DAB1: variants seen among roughly 807,000 people sequenced by gnomAD.
The protein encoded by DAB1 is disabled homolog 1.
A neutral mutation model predicts 64.6 loss-of-function variants in DAB1; 15 were observed. The ratio of observed to expected loss-of-function variants is 0.23; its 90% CI spans 0.16 to 0.36. The LOEUF (loss-of-function observed/expected upper bound fraction) is 0.36, where lower values mean the gene tolerates loss of function less well. Ranked by LOEUF, DAB1 falls within the 10% of genes least tolerant of loss-of-function variation. The pLI is 1.00. For missense variants in DAB1, 596 were observed against 706.7 expected (o/e 0.84, Z 1.78); for synonymous variants, 235 against 251.9 (o/e 0.93, Z 0.64).
intron 4 of DAB1, among the ~76,000 whole-genome samples, chr1:58,287,650 C>T (rs1193510515): frequency 6.6e-6 from 1 of 152,138 alleles, no homozygotes; most frequent in African/African-American, 2.4e-5. Context: ...TTTGAATGAC[C>T]TATCCTCAAA....
chr1:58,169,430 G>C lies in DAB1; in HGVS notation n.310-18842C>G, dbSNP rs1039280414. On this transcript the variant is annotated intron_variant and non_coding_transcript_variant, in intron 4 of 20. Coordinates refer to the DAB1 transcript ENST00000485760. ...AATGGGAAACATTCAGGCATCAACA[G>C]GCTCACCCTTAAAATGCATCCTAAG... 2.0e-5 allele frequency among the ~76,000 whole-genome samples: 3 copies of C among 152,118 alleles called. No individual in the cohort carries two copies. In the East Asian group the frequency reaches 5.8e-4, roughly 29 times the overall value.
At chr1:57,786,353 A>T (rs1262640888) in intron 6 of DAB1, among the ~76,000 whole-genome samples, 1 of 152,160 alleles carries the variant, frequency 6.6e-6, no homozygotes, top group African/African-American at 2.4e-5. Context: ...TATAGATGCT[A>T]TTAATGGCTA....
intron 5 of DAB1, among the ~76,000 whole-genome samples, chr1:57,984,445 G>C (rs1394582476): frequency 2.0e-5 from 3 of 152,124 alleles, no homozygotes; most frequent in Admixed American, 6.6e-5. Context: ...CTAGGAGGAA[G>C]GCTGGCCAGC....
intron 2 of DAB1, among the ~76,000 whole-genome samples, chr1:57,290,567 G>C (rs931324931): frequency 3.9e-5 from 6 of 152,166 alleles, no homozygotes; most frequent in African/African-American, 1.4e-4. Flanking sequence ...CAGAGATGTT[G>C]CTGGAGGGAT....
Position 57,695,385 on chromosome 1 carries a change from A to G in DAB1, n.552-45720T>C, listed in dbSNP as rs1283733114. On this transcript the variant is annotated intron_variant and non_coding_transcript_variant, in intron 6 of 20. Transcript: ENST00000485760. ...AGAAGAAAGAAAGAAAGAAAGAAAG[A>G]AAGAAAGAAAGAAAGAAAGAAAGAA... Among the ~76,000 whole-genome samples, 2 of 74,228 alleles carry G rather than the reference A, an allele frequency of 2.7e-5. 1 individual carries two copies. Among genetic ancestry groups the G allele is most frequent in the East Asian group, 7.9e-4 (2 of 2,542 alleles). The allele number at this position is 74,228 out of a possible 152,430, so 48.7% of individuals were successfully genotyped here.
At chr1:57,009,297 C>T (rs1369796149) in intron 14 of DAB1, among the ~76,000 whole-genome samples, 1 of 152,190 alleles carries the variant, frequency 6.6e-6, no homozygotes, top group Non-Finnish European at 1.5e-5. Context: ...GAAACATTGA[C>T]TTTGCTTTCA....
intron 1 of DAB1, among the ~76,000 whole-genome samples, chr1:57,372,530 A>G: frequency 6.6e-6 from 1 of 152,338 alleles, no homozygotes; most frequent in Non-Finnish European, 1.5e-5. Flanking sequence ...TCATATTTAT[A>G]ATATAATCAC....
intron 3 of DAB1, among the ~76,000 whole-genome samples, chr1:58,501,079 T>C (rs1645899566): frequency 6.6e-6 from 1 of 152,222 alleles, no homozygotes. Flanking sequence ...GTGGAATATG[T>C]GTTTAACTGA....
At chr1:57,803,857 A>G (rs541655898) in intron 6 of DAB1, among the ~76,000 whole-genome samples, 2 of 152,310 alleles carry the variant, frequency 1.3e-5, no homozygotes, top group South Asian at 2.1e-4. Flanking sequence ...TTCCTAGCTC[A>G]GTGTTTTTCA....
At chr1:57,926,894 C>T (rs1644887499) in intron 5 of DAB1, among the ~76,000 whole-genome samples, 1 of 152,088 alleles carries the variant, frequency 6.6e-6, no homozygotes, top group Non-Finnish European at 1.5e-5. Flanking sequence ...AGTCAATTAC[C>T]TTTGATAATA....
In DAB1 at chr1:57,930,002, T is replaced by C. The variant is rs181200809; in HGVS notation, n.388-45840A>G. Among the ~76,000 whole-genome samples the C allele has an allele frequency of 8.8e-4, 134 of 152,306 alleles. 1 individual carries two copies. Among genetic ancestry groups the C allele is most frequent in the Middle Eastern group, 3.4e-3 (1 of 294 alleles). On this transcript the variant is annotated intron_variant and non_coding_transcript_variant, in intron 5 of 20. Transcript: ENST00000485760. The stretch of plus-strand genomic sequence containing the variant: ...TTGGAGGGAACAAACATTTAAACCA[T>C]TACATGAAGCTTTATAGTTGTGAAT...
chr1:58,051,748 C>T (rs1265541283), intron 5 of DAB1, among the ~76,000 whole-genome samples: 3 of 152,134 alleles, frequency 2.0e-5, no homozygotes, highest in South Asian at 4.1e-4. Flanking sequence ...TTCTAACTGG[C>T]ATGAGATGGT....
intron 9 of DAB1, among the ~76,000 whole-genome samples, chr1:57,057,900 G>T (rs61765264): frequency 3.9e-5 from 6 of 152,104 alleles, no homozygotes; most frequent in Non-Finnish European, 8.8e-5. Flanking sequence ...GAGCCACCGC[G>T]CCCGGCCTAC....
intron 4 of DAB1, among the ~76,000 whole-genome samples, chr1:58,253,010 G>A (rs1660839360): frequency 6.6e-6 from 1 of 152,152 alleles, no homozygotes; most frequent in Admixed American, 6.5e-5. Context: ...AGTGGTCATA[G>A]AAACTTACTC....
chr1:57,223,542 C>A (rs1314392733), intron 2 of DAB1, among the ~76,000 whole-genome samples: 1 of 152,152 alleles, frequency 6.6e-6, no homozygotes, highest in African/African-American at 2.4e-5. Context: ...CTACGTACAT[C>A]ATTAAGTAGA....
chr1:58,032,496 T>C (rs1479454564), intron 5 of DAB1, among the ~76,000 whole-genome samples: 1 of 152,184 alleles, frequency 6.6e-6, no homozygotes, highest in African/African-American at 2.4e-5. Context: ...TCAAAACCAA[T>C]TGTTGATCTG....
chr1:57,107,432 G>T (rs1655273641), intron 4 of DAB1, among the ~76,000 whole-genome samples: 1 of 151,302 alleles, frequency 6.6e-6, no homozygotes, highest in Non-Finnish European at 1.5e-5. Context: ...AATATAGAGT[G>T]CTGCCTATTA....
chr1:57,121,171 G>GGAGAAGAAA (rs1245912412), intron 4 of DAB1, among the ~76,000 whole-genome samples: 1 of 150,576 alleles, frequency 6.6e-6, no homozygotes, highest in Non-Finnish European at 1.5e-5. Flanking sequence ...AGGAGAAGGA[G>GGAGAAGAAA]GAGAAGGAGA....
chr1:57,327,083 C>T (rs755496699), intron 1 of DAB1, among the ~76,000 whole-genome samples: 8 of 152,048 alleles, frequency 5.3e-5, no homozygotes, highest in African/African-American at 1.4e-4. Flanking sequence ...GGACTACAGG[C>T]GTGTGACCTC....
Sources: gnomAD v4.1 joint callset for allele counts (sites outside exome capture counted in the v4.1 genomes callset) on GRCh38, gnomAD v4.1.1 for gene constraint, MANE v1.5 for transcripts, NCBI Gene and HGNC (gene_info 2026-07-23, HGNC 2026-07-21) for gene names.